SGCZ: variants seen among roughly 807,000 people sequenced by gnomAD.
The protein encoded by SGCZ is zeta-sarcoglycan.
A neutral mutation model predicts 41.3 loss-of-function variants in SGCZ; 40 were observed. That is an observed-to-expected ratio of 0.97 (90% CI 0.75 to 1.26). The LOEUF (loss-of-function observed/expected upper bound fraction) is 1.26. Among genes scored for constraint, SGCZ ranks in the 50% most tolerant of loss-of-function variants. SGCZ has a pLI of 0.00. For missense variants in SGCZ, 552 were observed against 369.8 expected, an observed-to-expected ratio of 1.49 and a Z score of -4.04; for synonymous variants, 206 against 137.5, an observed-to-expected ratio of 1.50 and a Z score of -3.49.
chr8:14,291,551 C>T (rs13269981), intron 3 of SGCZ, among the ~76,000 whole-genome samples: 114,198 of 151,594 alleles, frequency 0.75, 43,450 homozygotes, highest in Non-Finnish European at 0.8. Context: ...AATATCTTAG[C>T]TGTCTATACT....
intron 1 of SGCZ, among the ~76,000 whole-genome samples, chr8:14,833,513 G>C (rs1802599288): frequency 6.6e-6 from 1 of 152,198 alleles, no homozygotes; most frequent in South Asian, 2.1e-4. Flanking sequence ...TCTGTGAACT[G>C]ACATCCTTGC....
At chr8:14,272,179 T>C (rs1489823069) in intron 3 of SGCZ, among the ~76,000 whole-genome samples, 1 of 152,152 alleles carries the variant, frequency 6.6e-6, no homozygotes, top group Non-Finnish European at 1.5e-5. Flanking sequence ...AATTTCTGTA[T>C]TTTTTGTAGA....
At chr8:14,660,793 A>G (rs574858183) in intron 1 of SGCZ, among the ~76,000 whole-genome samples, 46 of 152,092 alleles carry the variant, frequency 3.0e-4, no homozygotes, top group Non-Finnish European at 6.0e-4. Context: ...GAGGCCATAC[A>G]GTAAACATGA....
Position 15,184,199 on chromosome 8 carries a change from T to A in SGCZ, c.39+53386A>T, listed in dbSNP as rs556077680. ...AATTGTAATTATAAATTCTTCATCA[T>A]ATATACTGTCACTAGTAGAACTTCT... On this transcript the variant is annotated intron_variant, in intron 1 of 7. Coordinates refer to ENST00000382080, the MANE Select transcript of SGCZ (RefSeq NM_139167.4). 3.9e-5 allele frequency among the ~76,000 whole-genome samples: 6 copies of A among 152,350 alleles called. No homozygotes were observed. In the South Asian group the frequency reaches 8.3e-4, roughly 21 times the overall value.
intron 4 of SGCZ, among the ~76,000 whole-genome samples, chr8:14,233,012 T>A (rs1386754759): frequency 1.3e-5 from 2 of 152,022 alleles, no homozygotes; most frequent in Non-Finnish European, 2.9e-5. Context: ...TAGGGCCCCA[T>A]AAGTAGCCAT....
At chr8:15,005,856 T>C (rs1802593855) in intron 1 of SGCZ, among the ~76,000 whole-genome samples, 1 of 152,336 alleles carries the variant, frequency 6.6e-6, no homozygotes, top group Non-Finnish European at 1.5e-5. Flanking sequence ...TTCATTGTAA[T>C]ATGACATTTC....
intron 4 of SGCZ, among the ~76,000 whole-genome samples, chr8:14,197,267 A>C: frequency 6.6e-6 from 1 of 152,140 alleles, no homozygotes; most frequent in East Asian, 1.9e-4. Context: ...GAATATAGAA[A>C]TGAAGGGAAC....
rs1301031830 is a variant in SGCZ at position 14,492,630 on chromosome 8, T to C, written c.234+62102A>G. Among the ~76,000 whole-genome samples the C allele has an allele frequency of 3.3e-5, 5 of 152,296 alleles. No homozygotes were observed. In the East Asian group the frequency reaches 9.7e-4, roughly 29 times the overall value. On this transcript the variant is annotated intron_variant, in intron 2 of 7. Coordinates refer to ENST00000382080, the MANE Select transcript of SGCZ (RefSeq NM_139167.4). ...TCTGCTCAAATTTCTCACTAACTTT[T>C]CTTGAGTCTAGTACAAGTACTGATC...
intron 1 of SGCZ, among the ~76,000 whole-genome samples, chr8:14,847,523 T>A (rs889006645): frequency 3.3e-5 from 5 of 151,012 alleles, no homozygotes; most frequent in Non-Finnish European, 5.9e-5. Flanking sequence ...AAAAAGGAAA[T>A]ACATAAGATA....
chr8:14,869,511 C>T (rs535520822), intron 1 of SGCZ, among the ~76,000 whole-genome samples: 9 of 152,254 alleles, frequency 5.9e-5, no homozygotes, highest in Middle Eastern at 3.4e-3. Context: ...TGGAAGCATT[C>T]CCTTTGAAAA....
chr8:14,917,861 G>A lies in SGCZ; in HGVS notation c.39+319724C>T, dbSNP rs1585377621. ...TAATTAGGAGGTTAGTATAAGATAT[G>A]GAATGATAATGCATAATATTTGACT... On this transcript the variant is annotated intron_variant, in intron 1 of 7. Transcript: ENST00000382080. Among the ~76,000 whole-genome samples the A allele has an allele frequency of 2.0e-5, 3 of 152,050 alleles. No homozygotes were observed. In the South Asian group the frequency reaches 6.2e-4, roughly 32 times the overall value.
chr8:15,133,174 G>T (rs1807976801), intron 1 of SGCZ, among the ~76,000 whole-genome samples: 1 of 138,486 alleles, frequency 7.2e-6, no homozygotes, highest in African/African-American at 2.8e-5. Flanking sequence ...AAATAAATAA[G>T]ACAAGTATTC....
intron 2 of SGCZ, among the ~76,000 whole-genome samples, chr8:14,370,203 A>G (rs1803862044): frequency 6.6e-6 from 1 of 151,990 alleles, no homozygotes; most frequent in Admixed American, 6.6e-5. Context: ...ATAGCAATAC[A>G]AACTTCTCAG....
chr8:14,938,044 G>A (rs1800140862), intron 1 of SGCZ, among the ~76,000 whole-genome samples: 1 of 152,018 alleles, frequency 6.6e-6, no homozygotes, highest in Admixed American at 6.6e-5. Context: ...TGTAATTCTT[G>A]CACTTTTAGA....
intron 2 of SGCZ, among the ~76,000 whole-genome samples, chr8:14,525,212 A>T (rs916830480): frequency 2.6e-5 from 4 of 152,006 alleles, no homozygotes; most frequent in African/African-American, 9.7e-5. Context: ...AGACAGACAG[A>T]TGTTTCCACT....
At chr8:14,366,180 A>G (rs1170976271) in intron 2 of SGCZ, among the ~76,000 whole-genome samples, 4 of 152,126 alleles carry the variant, frequency 2.6e-5, no homozygotes, top group Non-Finnish European at 5.9e-5. Context: ...GAACAGACTA[A>G]TAACCAAAAT....
At chr8:15,128,434 A>T in intron 1 of SGCZ, among the ~76,000 whole-genome samples, 1 of 152,208 alleles carries the variant, frequency 6.6e-6, no homozygotes. Context: ...TTCCTTATGC[A>T]GACGTTTTGC....
At chr8:14,679,181 T>C (rs560992464) in intron 1 of SGCZ, among the ~76,000 whole-genome samples, 169 of 152,246 alleles carry the variant, frequency 1.1e-3, no homozygotes, top group African/African-American at 3.9e-3. Context: ...TTACAATACA[T>C]AATACTTGAT....
chr8:14,948,276 TAAG>T (rs915280724), intron 1 of SGCZ, among the ~76,000 whole-genome samples: 3 of 152,144 alleles, frequency 2.0e-5, no homozygotes, highest in African/African-American at 7.2e-5. Context: ...TGAATTATAA[TAAG>T]ATGATGAGAA....
Sources: gnomAD v4.1 joint callset for allele counts (sites outside exome capture counted in the v4.1 genomes callset) on GRCh38, gnomAD v4.1.1 for gene constraint, MANE v1.5 for transcripts, NCBI Gene and HGNC (gene_info 2026-07-23, HGNC 2026-07-21) for gene names.